Variants in CEP120 observed in about 807,000 individuals in gnomAD.
CEP120 encodes centrosomal protein of 120 kDa.
In CEP120, 113 loss-of-function variants were observed where a neutral mutation model predicts 126.5. That is an observed-to-expected ratio of 0.89 (90% CI 0.77 to 1.04). The LOEUF (loss-of-function observed/expected upper bound fraction) is 1.04, where lower values mean the gene tolerates loss of function less well. Ranked by LOEUF, CEP120 falls within the 50% of genes least tolerant of loss-of-function variation. The pLI, the probability that CEP120 is intolerant of heterozygous loss-of-function variation, is 0.00. For synonymous variants in CEP120, 400 were observed against 394.3 expected, an observed-to-expected ratio of 1.01 and a Z score of -0.17; for missense variants, 1,230 against 1,155.7, an observed-to-expected ratio of 1.06 and a Z score of -0.93.
Position 123,386,615 on chromosome 5 carries a change from CAGG to C in CEP120, c.1480_1482del (p.Pro494del), listed in dbSNP as rs1772034515. 2 of 1,555,004 alleles carry C rather than the reference CAGG, an allele frequency of 1.3e-6. No individual in the cohort carries two copies. The highest frequency in any genetic ancestry group is 1.2e-5 in the South Asian group (1 of 86,622). The stretch of plus-strand genomic sequence containing the variant: ...ACTTCCATGTTTTTCCGAACTTCTA[CAGG>C]AGGATTAGTCATAATAGGAGCTGCA... On this transcript the variant is annotated inframe_deletion, in exon 10 of 20. Coordinates refer to ENST00000306467, the MANE Select transcript of CEP120 (RefSeq NM_001375405.1).
intron 4 of CEP120, among the ~76,000 whole-genome samples, chr5:123,407,897 G>A (rs1773799662): frequency 6.6e-6 from 1 of 152,026 alleles, no homozygotes; most frequent in Non-Finnish European, 1.5e-5. Context: ...CAGTAACAGA[G>A]ATAGCTGGAA....
chr5:123,393,276 A>C, intron 6 of CEP120, 24 bp downstream of exon 6: 1 of 1,611,812 alleles, frequency 6.2e-7, no homozygotes, highest in East Asian at 2.2e-5. Context: ...CCTCCAGCTA[A>C]AAACGATTTG....
intron 14 of CEP120, among the ~76,000 whole-genome samples, chr5:123,378,917 A>G (rs1771449448): frequency 6.6e-6 from 1 of 151,926 alleles, no homozygotes; most frequent in Non-Finnish European, 1.5e-5. Context: ...AAAGGATGGT[A>G]TTTGAGGACT....
chr5:123,376,163 A>G (rs1280440431), intron 16 of CEP120, among the ~76,000 whole-genome samples: 1 of 152,150 alleles, frequency 6.6e-6, no homozygotes, highest in African/African-American at 2.4e-5. Context: ...GACATATCAT[A>G]AAGAAAAAGA....
intron 17 of CEP120, among the ~76,000 whole-genome samples, chr5:123,370,513 G>A (rs1770777701): frequency 6.6e-6 from 1 of 151,446 alleles, no homozygotes; most frequent in Admixed American, 6.6e-5. Flanking sequence ...TTCTTGCTCT[G>A]TCACCCAGGA....
intron 17 of CEP120, among the ~76,000 whole-genome samples, chr5:123,367,790 G>C (rs1186490907): frequency 1.3e-5 from 2 of 151,860 alleles, no homozygotes; most frequent in Non-Finnish European, 2.9e-5. Flanking sequence ...ATGGGAATAT[G>C]CATATTACAC....
chr5:123,413,590 AT>A (rs1562094378), intron 3 of CEP120, among the ~76,000 whole-genome samples: 1 of 152,182 alleles, frequency 6.6e-6, no homozygotes, highest in African/African-American at 2.4e-5. Context: ...TGGAAACAGC[AT>A]TTTTTACTCT....
At chr5:123,415,920 G>A (rs929533357) in intron 3 of CEP120, 90 bp downstream of exon 3, 2 of 826,474 alleles carry the variant, frequency 2.4e-6, no homozygotes, top group Non-Finnish European at 2.0e-6. Flanking sequence ...ATCAGGTCTA[G>A]TATTTCATGT....
chr5:123,419,628 A>G (rs1774595347), intron 1 of CEP120, among the ~76,000 whole-genome samples: 1 of 152,138 alleles, frequency 6.6e-6, no homozygotes, highest in Non-Finnish European at 1.5e-5. Context: ...TTCTATTCTC[A>G]AGGACAACAC....
intron 4 of CEP120, chr5:123,400,995 G>A (rs1370824343): frequency 4.5e-6 from 7 of 1,556,180 alleles, no homozygotes; most frequent in Non-Finnish European, 6.1e-6. Context: ...CACGGCCCTG[G>A]AGTAGCTGGT....
chr5:123,401,226 T>C, intron 4 of CEP120: 1 of 1,612,698 alleles, frequency 6.2e-7, no homozygotes, highest in Non-Finnish European at 8.5e-7. Context: ...CTCCTGGTAC[T>C]CACGCAGCTG....
In CEP120 at chr5:123,415,352, G is replaced by C. The variant is rs113060895; in HGVS notation, c.321+658C>G. ...AGGAAGACTTCTGTATTTCTAACTT[G>C]TATAACTGAAAGGGGAATGCTGACA... On this transcript the variant is annotated intron_variant, in intron 3 of 19. Transcript: ENST00000306467. 5.9e-3 allele frequency among the ~76,000 whole-genome samples: 897 copies of C among 152,262 alleles called. 8 individuals carry two copies. Among genetic ancestry groups the C allele is most frequent in the African/African-American group, 0.02 (834 of 41,542 alleles).
At chr5:123,385,766 G>T (rs568110528) in intron 10 of CEP120, among the ~76,000 whole-genome samples, 7 of 151,906 alleles carry the variant, frequency 4.6e-5, no homozygotes, top group South Asian at 2.1e-4. Context: ...GCAGGTGCTG[G>T]CTAATTTTTG....
At chr5:123,421,259 C>T (rs902375023) in intron 1 of CEP120, among the ~76,000 whole-genome samples, 2 of 152,176 alleles carry the variant, frequency 1.3e-5, no homozygotes, top group South Asian at 2.1e-4. Context: ...GGTCATCTTG[C>T]TGATCTTTTC....
chr5:123,373,071 CTT>C, intron 16 of CEP120, among the ~76,000 whole-genome samples: 1 of 152,146 alleles, frequency 6.6e-6, no homozygotes, highest in Middle Eastern at 3.4e-3. Flanking sequence ...AATCCTAACA[CTT>C]TCTTTACACT....
intron 17 of CEP120, among the ~76,000 whole-genome samples, chr5:123,369,088 A>T (rs969032692): frequency 6.6e-6 from 1 of 151,916 alleles, no homozygotes; most frequent in Non-Finnish European, 1.5e-5. Flanking sequence ...ATGGGTCATA[A>T]GCCGAAGAGA....
In CEP120 at chr5:123,422,941, G is replaced by T; in HGVS notation, c.49+9C>A. ...CAGCAGTTGCAAAAGCAAGCCTCAG[G>T]CTGCTCACCTTCTAGGATGGACACG... On this transcript the variant is annotated intron_variant, in intron 1 of 19. Transcript: ENST00000306467. The T allele has an allele frequency of 6.2e-7, 1 of 1,613,744 alleles. No individual in the cohort carries two copies.
intron 4 of CEP120, among the ~76,000 whole-genome samples, 172 bp downstream of exon 4, chr5:123,412,227 T>C (rs1392185334): frequency 2.0e-5 from 3 of 152,212 alleles, no homozygotes; most frequent in Admixed American, 6.5e-5. Flanking sequence ...ATTTCTAAGA[T>C]TTGCAAACAA....
chr5:123,351,072 G>T (rs752724932), intron 18 of CEP120, among the ~76,000 whole-genome samples: 2 of 152,184 alleles, frequency 1.3e-5, no homozygotes, highest in East Asian at 3.9e-4. Context: ...TTATTGAATT[G>T]TAACAAACAG....
Sources: gnomAD v4.1 joint callset for allele counts (sites outside exome capture counted in the v4.1 genomes callset) on GRCh38, gnomAD v4.1.1 for gene constraint, MANE v1.5 for transcripts, NCBI Gene and HGNC (gene_info 2026-07-23, HGNC 2026-07-21) for gene names.